The following NIPBL variants were observed in gnomAD, a reference collection of about 807,000 sequenced individuals.
NIPBL encodes NIPBL cohesin loading factor, also known as nipped-B-like protein.
NIPBL carries 19 observed loss-of-function variants against 321.8 expected under a neutral mutation model. That is an observed-to-expected ratio of 0.06 (90% CI 0.04 to 0.09). NIPBL has a LOEUF of 0.09. NIPBL is among the 10% of genes least tolerant of loss of function. The probability of loss-of-function intolerance (pLI) is 1.00; values close to 1 mark genes in which losing one functional copy is unlikely to be tolerated. For missense variants in NIPBL, 2,210 were observed against 3,327.0 expected (o/e 0.66, Z 8.26); for synonymous variants, 1,106 against 1,114.1 (o/e 0.99, Z 0.14).
intron 21 of NIPBL, among the ~76,000 whole-genome samples, chr5:37,012,873 A>G (rs1748340592): frequency 1.3e-5 from 2 of 152,186 alleles, no homozygotes; most frequent in African/African-American, 4.8e-5. Context: ...CTCTTTCTAC[A>G]CAGACACGGC....
chr5:36,953,582 A>G, intron 1 of NIPBL, 36 bp from the exon 2 acceptor site: 1 of 865,674 alleles, frequency 1.2e-6, no homozygotes, highest in Non-Finnish European at 2.0e-6. Flanking sequence ...TATCTGACAT[A>G]TCTCTACAAA....
chr5:36,954,856 A>G (rs1162063102), intron 2 of NIPBL: 1 of 153,062 alleles, frequency 6.5e-6, no homozygotes, highest in East Asian at 1.9e-4. Flanking sequence ...AGGTGAACAG[A>G]GATTAAACGG....
rs1370046423 is a variant in NIPBL, at chr5:37,010,347, G to T, written c.4560+122G>T. 7 of 782,014 alleles carry T rather than the reference G, an allele frequency of 9.0e-6. No homozygotes were observed. The Admixed American group carries it at 1.7e-4, about 19-fold the overall frequency. The allele number at this position is 782,014 out of a possible 1,614,324, so 48.4% of individuals were successfully genotyped here. A position where few individuals can be genotyped will look rare whatever the true frequency, so the allele number is the denominator to read the frequency against. On this transcript the variant is annotated intron_variant, in intron 21 of 46. Coordinates refer to ENST00000282516, the MANE Select transcript of NIPBL (RefSeq NM_133433.4). ...TTTCTTTTTTTTGAGACGGAGTCTCGCTCTGTCACCCAGGCTGGAGTGCAG... is the reference window on the plus strand; with the variant it reads ...TTTCTTTTTTTTGAGACGGAGTCTCTCTCTGTCACCCAGGCTGGAGTGCAG...
chr5:37,013,175 C>A (rs566185082), intron 21 of NIPBL, among the ~76,000 whole-genome samples: 4 of 150,568 alleles, frequency 2.7e-5, no homozygotes, highest in East Asian at 4.0e-4. Context: ...GGGGGCTGAC[C>A]CCCCCACCTC....
At chr5:36,953,806 CAAT>C (rs1561072661) in intron 2 of NIPBL, 46 bp downstream of exon 2, 1 of 1,472,122 alleles carries the variant, frequency 6.8e-7, no homozygotes, top group African/African-American at 1.4e-5. Flanking sequence ...TGTGTGTTAA[CAAT>C]AATTTTTACA....
intron 37 of NIPBL, 133 bp downstream of exon 37, chr5:37,045,730 C>G (rs573187158): frequency 2.1e-6 from 2 of 953,608 alleles, no homozygotes; most frequent in East Asian, 2.4e-5. Flanking sequence ...GAAAACAGTG[C>G]TGCTCAAAAC....
intron 8 of NIPBL, among the ~76,000 whole-genome samples, chr5:36,973,629 G>A (rs1359691516): frequency 6.6e-6 from 1 of 151,944 alleles, no homozygotes; most frequent in Non-Finnish European, 1.5e-5. Flanking sequence ...CACCACGCCC[G>A]GGTGATTTTT....
Position 36,962,204 on chromosome 5 carries a change from A to T in NIPBL, c.540A>T (p.Pro180=). The T allele has an allele frequency of 3.7e-6, 6 of 1,614,114 alleles. No individual in the cohort carries two copies. Among genetic ancestry groups the T allele is most frequent in the Non-Finnish European group, 5.1e-6 (6 of 1,179,970 alleles). ...QNSPVPSPYA[P]QSPAGYMPYS... ...GCCCAGTGCCTAGTCCATACGCCCC[A>T]CAAAGCCCTGCAGGATACATGCCAT... The change falls in exon 6 of 47, where the codon CCA becomes CCT. Residue 180 remains proline (P), a synonymous_variant. Transcript: ENST00000282516.
chr5:36,967,100 C>A (rs926337781), intron 6 of NIPBL, among the ~76,000 whole-genome samples: 2 of 151,368 alleles, frequency 1.3e-5, no homozygotes, highest in Non-Finnish European at 2.9e-5. Context: ...TCATACAGAT[C>A]GATAAGAACA....
At chr5:36,882,046 A>G (rs1745544152) in intron 1 of NIPBL, among the ~76,000 whole-genome samples, 1 of 151,976 alleles carries the variant, frequency 6.6e-6, no homozygotes, top group Non-Finnish European at 1.5e-5. Context: ...CAGTATTTTT[A>G]TAGCCAGAGA....
At position 37,036,347 on chromosome 5, in the gene NIPBL, G is replaced by GTATA. The variant is rs10554564; in HGVS notation, c.5863-14_5863-11dup. On this transcript the variant is annotated intron_variant, in intron 32 of 46. Transcript: ENST00000282516. ...TTTTTTCTTTTTTGTATATATATAT[G>GTATA]TATATATATATATATATATATGTAT... 4,666 of 383,986 alleles carry GTATA rather than the reference G, an allele frequency of 0.012. 211 individuals carry two copies. Among genetic ancestry groups the GTATA allele is most frequent in the African/African-American group, 0.1 (4,204 of 41,090 alleles). The allele number at this position is 383,986 out of a possible 1,614,324, so 23.8% of individuals were successfully genotyped here.
chr5:36,949,514 A>G (rs1740040810), intron 1 of NIPBL, among the ~76,000 whole-genome samples: 1 of 151,908 alleles, frequency 6.6e-6, no homozygotes, highest in Non-Finnish European at 1.5e-5. Flanking sequence ...TGAGGATTAA[A>G]TTTATTACAT....
chr5:36,930,681 A>G (rs934901219), intron 1 of NIPBL, among the ~76,000 whole-genome samples: 1 of 152,138 alleles, frequency 6.6e-6, no homozygotes, highest in Non-Finnish European at 1.5e-5. Flanking sequence ...TAGAATTTTC[A>G]TAGATGCTCT....
intron 10 of NIPBL, chr5:36,995,089 T>G (rs1470765175): frequency 6.5e-6 from 1 of 153,420 alleles, no homozygotes; most frequent in Non-Finnish European, 1.4e-5. Flanking sequence ...CAGTAATAGG[T>G]AAAAGCATAT....
At chr5:36,954,993 G>A (rs1265607727) in intron 2 of NIPBL, 3 of 156,966 alleles carry the variant, frequency 1.9e-5, no homozygotes, top group African/African-American at 4.8e-5. Context: ...TCTATGCTAT[G>A]AATGCTTTCT....
At chr5:36,917,883 ATC>A (rs1748598219) in intron 1 of NIPBL, among the ~76,000 whole-genome samples, 1 of 152,000 alleles carries the variant, frequency 6.6e-6, no homozygotes, top group South Asian at 2.1e-4. Context: ...ATTGGTCTAT[ATC>A]TCTGTTTTGG....
At chr5:36,896,961 A>G (rs755891978) in intron 1 of NIPBL, among the ~76,000 whole-genome samples, 1 of 151,340 alleles carries the variant, frequency 6.6e-6, no homozygotes, top group Non-Finnish European at 1.5e-5. Flanking sequence ...GTTCCTGTGC[A>G]TTGTGTTCTT....
chr5:37,002,327 C>G (rs1439805724), intron 14 of NIPBL, among the ~76,000 whole-genome samples: 1 of 152,160 alleles, frequency 6.6e-6, no homozygotes, highest in Non-Finnish European at 1.5e-5. Context: ...CCCTACTGGC[C>G]AAACCCAAAC....
chr5:37,026,915 A>G (rs952263865), intron 31 of NIPBL, among the ~76,000 whole-genome samples: 2 of 148,432 alleles, frequency 1.3e-5, no homozygotes, highest in African/African-American at 4.9e-5. Flanking sequence ...TCCCTTCTCA[A>G]AAAAAAAAAA....
Sources: allele counts gnomAD v4.1 joint callset (sites outside exome capture counted in the v4.1 genomes callset), GRCh38; gene constraint gnomAD v4.1.1; transcripts MANE v1.5; gene names NCBI Gene and HGNC (gene_info 2026-07-23, HGNC 2026-07-21).